Variants in SMYD4 observed in about 807,000 individuals in gnomAD.
The protein encoded by SMYD4 is SET and MYND domain containing 4.
Under a neutral mutation model 72.8 loss-of-function variants are expected in SMYD4, and 68 were observed. The observed-to-expected ratio is 0.93, with a 90% confidence interval of 0.77 to 1.14. The LOEUF is 1.14. Ranked by LOEUF, SMYD4 falls within the 50% of genes most tolerant of loss-of-function variation. The pLI, the probability that SMYD4 is intolerant of heterozygous loss-of-function variation, is 0.00. For missense variants in SMYD4, 984 were observed against 1,003.7 expected, an observed-to-expected ratio of 0.98 and a Z score of 0.27; for synonymous variants, 407 against 388.6, an observed-to-expected ratio of 1.05 and a Z score of -0.56.
At chr17:1,818,046 C>CAAAAAA (rs540448588) in intron 2 of SMYD4, among the ~76,000 whole-genome samples, 28 of 103,044 alleles carry the variant, frequency 2.7e-4, no homozygotes, top group Middle Eastern at 4.8e-3. Context: ...GACTCTGTCT[C>CAAAAAA]AAAAAAAAAA....
chr17:1,787,037 C>A, intron 6 of SMYD4, 64 bp from the exon 7 acceptor site: 1 of 1,586,300 alleles, frequency 6.3e-7, no homozygotes, highest in Non-Finnish European at 8.6e-7. Flanking sequence ...ACGTAAAAAC[C>A]TTCAGCTTAG....
chr17:1,801,089 G>T (rs1157590296), intron 4 of SMYD4, 65 bp from the exon 5 acceptor site: 2 of 1,450,516 alleles, frequency 1.4e-6, no homozygotes, highest in Non-Finnish European at 1.9e-6. Context: ...TACTGAAAAT[G>T]TTTCCAAAAA....
intron 5 of SMYD4, among the ~76,000 whole-genome samples, chr17:1,798,207 T>C (rs1306167697): frequency 6.6e-6 from 1 of 151,092 alleles, no homozygotes; most frequent in African/African-American, 2.4e-5. Context: ...CATGGCTCAC[T>C]GCAACCTCTG....
intron 5 of SMYD4, among the ~76,000 whole-genome samples, chr17:1,789,683 T>A (rs1470661892): frequency 7.1e-6 from 1 of 140,266 alleles, no homozygotes; most frequent in Non-Finnish European, 1.5e-5. Flanking sequence ...GAGAATCGCT[T>A]GAAACTGGGA....
Position 1,779,749 on chromosome 17 carries a change from C to T in SMYD4, c.*1537G>A, listed in dbSNP as rs12951668. The T allele has an allele frequency of 0.021, 3,188 of 152,546 alleles. 48 individuals carry two copies. Among genetic ancestry groups the T allele is most frequent in the Middle Eastern group, 0.065 (19 of 294 alleles). The allele number at this position is 152,546 out of a possible 1,614,324, so 9.4% of individuals were successfully genotyped here. On this transcript the variant is annotated 3_prime_UTR_variant, in exon 11 of 11. Coordinates refer to ENST00000305513, the MANE Select transcript of SMYD4 (RefSeq NM_052928.3). ...TACTCCACGATTTTAACAAAGGAGT[C>T]GAGGAAGCTAGATACTGTAAGTGGA...
At chr17:1,816,165 T>C (rs1275327216) in intron 2 of SMYD4, among the ~76,000 whole-genome samples, 1 of 152,106 alleles carries the variant, frequency 6.6e-6, no homozygotes, top group Non-Finnish European at 1.5e-5. Context: ...CCTGGCAAAC[T>C]CCATTCTGCT....
chr17:1,816,661 T>G (rs901557192), intron 2 of SMYD4, among the ~76,000 whole-genome samples: 12 of 151,634 alleles, frequency 7.9e-5, no homozygotes, highest in Non-Finnish European at 1.8e-4. Flanking sequence ...GAGTCTCCCT[T>G]TGTCGCCCAG....
intron 6 of SMYD4, 123 bp downstream of exon 6, chr17:1,787,299 A>G (rs1447975909): frequency 7.6e-7 from 1 of 1,308,398 alleles, no homozygotes; most frequent in East Asian, 2.5e-5. Flanking sequence ...CTAAGTGTTC[A>G]CTGCCTCTTC....
At chr17:1,797,833 C>T (rs1407664198) in intron 5 of SMYD4, among the ~76,000 whole-genome samples, 9 of 152,028 alleles carry the variant, frequency 5.9e-5, no homozygotes, top group African/African-American at 9.7e-5. Context: ...AAAACCCCAT[C>T]TCTACTAAAA....
In SMYD4 at chr17:1,827,872, A is replaced by T; in HGVS notation, c.123T>A (p.Ser41=). 1 of 1,605,038 alleles carries T rather than the reference A, an allele frequency of 6.2e-7. No individual in the cohort carries two copies. Among genetic ancestry groups the T allele is most frequent in the South Asian group, 1.1e-5 (1 of 90,784 alleles). Residue 41 remains serine (S), a synonymous_variant, in exon 2 of 11, where the codon TCT becomes TCA. Coordinates refer to ENST00000305513, the MANE Select transcript of SMYD4 (RefSeq NM_052928.3). ...ETLRDIFLHS[S]SLLQPEDELF... ...CTTGATTTACTTACTGAAGAAGTGAAGAGGAGTGAAGAAAGATATCCCTCA... is the reference window on the plus strand; with the variant it reads ...CTTGATTTACTTACTGAAGAAGTGATGAGGAGTGAAGAAAGATATCCCTCA...
chr17:1,781,544 CA>C (rs1312605952), intron 10 of SMYD4, 105 bp from the exon 11 acceptor site: 1 of 1,332,528 alleles, frequency 7.5e-7, no homozygotes, highest in Admixed American at 2.5e-5. Context: ...TTTCTGTCAT[CA>C]AGGATCCTAC....
chr17:1,789,813 ATGTTGTCAATTT>A (rs989422354), intron 5 of SMYD4, among the ~76,000 whole-genome samples: 11 of 151,910 alleles, frequency 7.2e-5, no homozygotes, highest in African/African-American at 1.9e-4. Context: ...TATAGGAATA[ATGTTGTCAATTT>A]TGTTGTCAAT....
chr17:1,823,525 G>A (rs931665415), intron 2 of SMYD4, among the ~76,000 whole-genome samples: 1 of 152,040 alleles, frequency 6.6e-6, no homozygotes, highest in African/African-American at 2.4e-5. Flanking sequence ...CAGGAAGCTG[G>A]CCTCTGGGCC....
At chr17:1,781,488 A>G in intron 10 of SMYD4, 49 bp from the exon 11 acceptor site, 8 of 1,591,026 alleles carry the variant, frequency 5.0e-6, no homozygotes, top group Non-Finnish European at 6.9e-6. Context: ...TGTGAGGCAA[A>G]TGTTAATTGA....
intron 8 of SMYD4, chr17:1,783,786 C>A: frequency 4.7e-6 from 2 of 424,658 alleles, no homozygotes; most frequent in East Asian, 4.5e-5. Flanking sequence ...GAAATCTAAG[C>A]TAAAGGTCAA....
At chr17:1,788,573 G>A (rs867505519) in intron 5 of SMYD4, among the ~76,000 whole-genome samples, 13 of 151,098 alleles carry the variant, frequency 8.6e-5, no homozygotes, top group South Asian at 2.1e-4. Flanking sequence ...GTGAAATCCC[G>A]TCTCTACTAA....
intron 2 of SMYD4, among the ~76,000 whole-genome samples, chr17:1,825,210 T>C (rs1211638189): frequency 6.6e-6 from 1 of 152,188 alleles, no homozygotes; most frequent in African/African-American, 2.4e-5. Flanking sequence ...ATGCATTAAA[T>C]GCTACAGAAA....
intron 5 of SMYD4, among the ~76,000 whole-genome samples, chr17:1,797,708 G>T (rs1225274426): frequency 6.6e-6 from 1 of 152,074 alleles, no homozygotes; most frequent in African/African-American, 2.4e-5. Context: ...TTGAGTTAAG[G>T]GTCTGATATC....
rs1567783026 is a variant in SMYD4 at position 1,812,007 on chromosome 17, C to T, written c.243G>A (p.Glu81=). 1 of 1,614,150 alleles carries T rather than the reference C, an allele frequency of 6.2e-7. No individual in the cohort carries two copies. Among genetic ancestry groups the T allele is most frequent in the Non-Finnish European group, 8.5e-7 (1 of 1,180,036 alleles). The part of the protein sequence containing the change: ...YREEGNKKFQ[E]KDYTGAAVLY... The stretch of plus-strand genomic sequence containing the variant: ...GCACTGCAGCTCCTGTGTAATCTTT[C>T]TCCTGAAATTTTTTGTTTCCTTCTT... Residue 81 remains glutamate, a synonymous_variant, in exon 3 of 11, where the codon GAG becomes GAA. Transcript: ENST00000305513.
Sources: gnomAD v4.1 joint callset for allele counts (sites outside exome capture counted in the v4.1 genomes callset) on GRCh38, gnomAD v4.1.1 for gene constraint, MANE v1.5 for transcripts, NCBI Gene and HGNC (gene_info 2026-07-23, HGNC 2026-07-21) for gene names.